PSMD1: variants seen among roughly 807,000 people sequenced by gnomAD.
PSMD1 encodes the protein proteasome 26S subunit, non-ATPase 1.
Under a neutral mutation model 119.0 loss-of-function variants are expected in PSMD1, and 18 were observed. The observed-to-expected ratio is 0.15, with a 90% CI of 0.10 to 0.22. PSMD1 has a LOEUF of 0.22. Among genes scored for constraint, PSMD1 ranks in the 10% least tolerant of loss-of-function variants. The probability of loss-of-function intolerance (pLI) is 1.00; values close to 1 mark genes in which losing one functional copy is unlikely to be tolerated. For missense variants in PSMD1, 702 were observed against 1,158.5 expected, an observed-to-expected ratio of 0.61 and a Z score of 5.72; for synonymous variants, 374 against 396.6, an observed-to-expected ratio of 0.94 and a Z score of 0.68.
chr2:231,105,826 T>C (rs1220221058), intron 16 of PSMD1, among the ~76,000 whole-genome samples: 1 of 152,168 alleles, frequency 6.6e-6, no homozygotes, highest in Non-Finnish European at 1.5e-5. Context: ...CATGATCATC[T>C]TTACATCTCC....
At chr2:231,094,171 G>C (rs1198838091) in intron 16 of PSMD1, among the ~76,000 whole-genome samples, 1 of 152,134 alleles carries the variant, frequency 6.6e-6, no homozygotes, top group Non-Finnish European at 1.5e-5. Flanking sequence ...AACACGTGTT[G>C]AAGGAGGGGA....
At chr2:231,084,192 T>C (rs1389714050) in intron 14 of PSMD1, among the ~76,000 whole-genome samples, 2 of 151,656 alleles carry the variant, frequency 1.3e-5, no homozygotes, top group Non-Finnish European at 2.9e-5. Flanking sequence ...CTGCTAAACG[T>C]AGAAAAAAAA....
chr2:231,078,444 G>A (rs555721545), intron 9 of PSMD1, among the ~76,000 whole-genome samples: 1 of 152,290 alleles, frequency 6.6e-6, no homozygotes, highest in East Asian at 1.9e-4. Context: ...CTGTTGTTGA[G>A]CTCTGTTAAA....
chr2:231,069,580 T>A (rs1195734209), intron 5 of PSMD1, among the ~76,000 whole-genome samples: 1 of 152,172 alleles, frequency 6.6e-6, no homozygotes, highest in Non-Finnish European at 1.5e-5. Context: ...AATGCTTGAG[T>A]CACTGAGAGC....
chr2:231,171,634 G>A (rs553487858), intron 24 of PSMD1, among the ~76,000 whole-genome samples: 3 of 141,024 alleles, frequency 2.1e-5, no homozygotes, highest in South Asian at 2.3e-4. Context: ...TTGGCTCACC[G>A]CAACCTCCGC....
intron 21 of PSMD1, chr2:231,164,837 A>G (rs936115858): frequency 2.6e-5 from 4 of 153,288 alleles, no homozygotes; most frequent in Non-Finnish European, 5.8e-5. Flanking sequence ...CAAAAAGGCT[A>G]TAGCACCCAA....
intron 9 of PSMD1, 45 bp downstream of exon 9, chr2:231,077,207 T>A: frequency 7.9e-7 from 1 of 1,273,856 alleles, no homozygotes; most frequent in Non-Finnish European, 1.1e-6. Flanking sequence ...AATATTTAGT[T>A]CTTTGTTGCA....
rs372047363 is a variant in PSMD1 at position 231,157,676 on chromosome 2, C to A, written c.2219-3664C>A. The stretch of plus-strand genomic sequence containing the variant: ...CCACCTCCCGGGTTCAAGCAATTCT[C>A]CTGCCTCAGTCCCTCCTGTAGCTGG... On this transcript the variant is annotated intron_variant, in intron 19 of 24. Coordinates refer to ENST00000308696, the MANE Select transcript of PSMD1 (RefSeq NM_002807.4). Among the ~76,000 whole-genome samples, 23 of 152,082 alleles carry A rather than the reference C, an allele frequency of 1.5e-4. No homozygotes were observed. In the East Asian group the frequency reaches 4.1e-3, roughly 27 times the overall value.
chr2:231,115,250 C>G (rs1360481691), intron 16 of PSMD1, among the ~76,000 whole-genome samples: 3 of 150,334 alleles, frequency 2.0e-5, no homozygotes, highest in African/African-American at 4.9e-5. Flanking sequence ...CTGTTATTTT[C>G]AAGCATCAAG....
chr2:231,061,220 T>G, intron 1 of PSMD1, 47 bp from the exon 2 acceptor site: 1 of 1,478,172 alleles, frequency 6.8e-7, no homozygotes, highest in East Asian at 2.3e-5. Context: ...AATTTCCACT[T>G]TAGTGAGAAT....
Position 231,056,900 on chromosome 2 carries a change from G to C in PSMD1, c.-126G>C, listed in dbSNP as rs1011475384. The C allele has an allele frequency of 1.2e-5, 16 of 1,326,712 alleles. No homozygotes were observed. The African/African-American group carries it at 2.3e-4, about 19-fold the overall frequency. 82.2% of individuals were successfully genotyped at this position (1,326,712 alleles called of 1,614,324 possible). A position where few individuals can be genotyped will look rare whatever the true frequency, so the allele number is the denominator to read the frequency against. On this transcript the variant is annotated 5_prime_UTR_variant, in exon 1 of 25. Coordinates refer to ENST00000308696, the MANE Select transcript of PSMD1 (RefSeq NM_002807.4). ...GAGAAGCGAGCCGGCGGCCTGAGGA[G>C]GCGACTGACTGAGCAGCGCACCCGG...
intron 1 of PSMD1, among the ~76,000 whole-genome samples, chr2:231,058,892 G>A (rs1306373356): frequency 6.6e-6 from 1 of 151,730 alleles, no homozygotes; most frequent in Non-Finnish European, 1.5e-5. Context: ...ATTAAAACAC[G>A]CTTACTCTCC....
chr2:231,097,554 G>T (rs1694756069), intron 16 of PSMD1, among the ~76,000 whole-genome samples: 1 of 152,156 alleles, frequency 6.6e-6, no homozygotes, highest in Non-Finnish European at 1.5e-5. Context: ...GCCCCTAATT[G>T]TTCAGCTATT....
At chr2:231,142,191 T>C (rs913826087) in intron 17 of PSMD1, among the ~76,000 whole-genome samples, 1 of 152,176 alleles carries the variant, frequency 6.6e-6, no homozygotes, top group Admixed American at 6.5e-5. Context: ...CCAGTTTTTT[T>C]ATTTTTAATT....
chr2:231,154,601 G>A (rs1242141629), intron 19 of PSMD1, among the ~76,000 whole-genome samples: 2 of 152,164 alleles, frequency 1.3e-5, no homozygotes, highest in East Asian at 3.8e-4. Context: ...CCAAGTAGCT[G>A]AGACTACAAG....
At chr2:231,159,524 C>T (rs1410203520) in intron 19 of PSMD1, among the ~76,000 whole-genome samples, 1 of 152,216 alleles carries the variant, frequency 6.6e-6, no homozygotes, top group Non-Finnish European at 1.5e-5. Flanking sequence ...TTAAATAGTA[C>T]ATGTACTTTA....
chr2:231,087,000 G>C (rs1400000039), intron 15 of PSMD1, 117 bp from the exon 16 acceptor site: 1 of 687,452 alleles, frequency 1.5e-6, no homozygotes, highest in Admixed American at 2.4e-5. Flanking sequence ...ATAATGTTTT[G>C]ATATACCTAT....
intron 17 of PSMD1, chr2:231,139,109 G>A: frequency 2.0e-6 from 1 of 490,442 alleles, no homozygotes; most frequent in Non-Finnish European, 3.7e-6. Context: ...ATTGATTTCT[G>A]GGTTTTTTGT....
At chr2:231,059,519 C>T (rs765222518) in intron 1 of PSMD1, among the ~76,000 whole-genome samples, 2 of 152,022 alleles carry the variant, frequency 1.3e-5, no homozygotes, top group African/African-American at 2.4e-5. Context: ...TGCTTCCAGG[C>T]GGGAGATGTG....
Sources: gnomAD v4.1 joint callset for allele counts (sites outside exome capture counted in the v4.1 genomes callset) on GRCh38, gnomAD v4.1.1 for gene constraint, MANE v1.5 for transcripts, NCBI Gene and HGNC (gene_info 2026-07-23, HGNC 2026-07-21) for gene names.